POMK: variants seen among roughly 807,000 people sequenced by gnomAD.
The protein encoded by POMK is Sugen kinase 196.
POMK carries 19 observed loss-of-function variants against 23.0 expected under a neutral mutation model. The observed-to-expected ratio is 0.83, with a 90% CI of 0.58 to 1.21. The LOEUF (loss-of-function observed/expected upper bound fraction) is 1.21. Among genes scored for constraint, POMK ranks in the 50% most tolerant of loss-of-function variants. The pLI is 0.00. For missense variants in POMK, 410 were observed against 431.3 expected (o/e 0.95, Z 0.44); for synonymous variants, 173 against 171.6 (o/e 1.01, Z -0.06).
chr8:43,106,352 CTGT>C (rs1811543933), intron 4 of POMK, among the ~76,000 whole-genome samples: 1 of 151,856 alleles, frequency 6.6e-6, no homozygotes, highest in Non-Finnish European at 1.5e-5. Context: ...TTATTTTTTT[CTGT>C]TGAGATGTTT....
At chr8:43,107,733 T>G (rs1811572760) in intron 4 of POMK, among the ~76,000 whole-genome samples, 1 of 151,770 alleles carries the variant, frequency 6.6e-6, no homozygotes, top group South Asian at 2.1e-4. Flanking sequence ...CAGGCTGGAT[T>G]GCAGTGGTGT....
chr8:43,094,735 GT>G (rs35178646), intron 1 of POMK, among the ~76,000 whole-genome samples: 1 of 152,170 alleles, frequency 6.6e-6, no homozygotes, highest in African/African-American at 2.4e-5. Flanking sequence ...GTAAAAACTA[GT>G]TTTGTCCCTT....
intron 4 of POMK, among the ~76,000 whole-genome samples, chr8:43,114,472 T>C (rs1438723056): frequency 6.6e-6 from 1 of 152,092 alleles, no homozygotes; most frequent in East Asian, 1.9e-4. Flanking sequence ...AAAAGTGCAG[T>C]ATTAGGGTGG....
intron 4 of POMK, among the ~76,000 whole-genome samples, chr8:43,106,362 G>A (rs998785906): frequency 5.3e-5 from 8 of 152,064 alleles, no homozygotes; most frequent in African/African-American, 7.2e-5. Flanking sequence ...CTGTTGAGAT[G>A]TTTGAGTTCC....
intron 4 of POMK, among the ~76,000 whole-genome samples, chr8:43,115,036 A>G (rs1031347107): frequency 1.3e-5 from 2 of 152,136 alleles, no homozygotes; most frequent in African/African-American, 4.8e-5. Context: ...AGAAGAGTGG[A>G]TTTGATTCTT....
intron 4 of POMK, among the ~76,000 whole-genome samples, chr8:43,120,376 C>T (rs994687616): frequency 6.6e-6 from 1 of 151,822 alleles, no homozygotes; most frequent in African/African-American, 2.4e-5. Flanking sequence ...CCATGCCCGG[C>T]TAATTTTGTA....
chr8:43,121,672 C>A (rs1486310782), intron 4 of POMK, among the ~76,000 whole-genome samples: 4 of 152,210 alleles, frequency 2.6e-5, no homozygotes, highest in African/African-American at 9.6e-5. Flanking sequence ...TTCCTCCCCA[C>A]CCACTGTGTG....
chr8:43,096,089 A>G (rs1295118573), intron 1 of POMK, among the ~76,000 whole-genome samples: 1 of 152,132 alleles, frequency 6.6e-6, no homozygotes, highest in African/African-American at 2.4e-5. Context: ...TTTGCCGAGT[A>G]CCCGCTGTGT....
chr8:43,107,238 A>G (rs572224360), intron 4 of POMK, among the ~76,000 whole-genome samples: 3 of 152,350 alleles, frequency 2.0e-5, no homozygotes, highest in South Asian at 2.1e-4. Flanking sequence ...CAACATGTGT[A>G]CCATAGTTTT....
chr8:43,112,145 T>C (rs1316958014), intron 4 of POMK, among the ~76,000 whole-genome samples: 1 of 151,714 alleles, frequency 6.6e-6, no homozygotes, highest in African/African-American at 2.4e-5. Flanking sequence ...TTCGAACCAA[T>C]GGGAAAGAAG....
intron 4 of POMK, among the ~76,000 whole-genome samples, chr8:43,111,697 C>T (rs1406418929): frequency 2.6e-5 from 4 of 152,194 alleles, no homozygotes; most frequent in Non-Finnish European, 4.4e-5. Context: ...ACACCTCACA[C>T]GGCCAGGTAC....
intron 4 of POMK, among the ~76,000 whole-genome samples, chr8:43,117,718 TAGAA>T (rs2130620685): frequency 6.6e-6 from 1 of 152,282 alleles, no homozygotes; most frequent in African/African-American, 2.4e-5. Context: ...AAATACAAAT[TAGAA>T]GAGTAAGGTA....
At chr8:43,095,850 G>T (rs1563334751) in intron 1 of POMK, among the ~76,000 whole-genome samples, 1 of 152,230 alleles carries the variant, frequency 6.6e-6, no homozygotes, top group African/African-American at 2.4e-5. Flanking sequence ...AAGGATTGGT[G>T]GGAGGTTAGG....
intron 4 of POMK, among the ~76,000 whole-genome samples, chr8:43,111,547 C>G (rs1811666583): frequency 6.6e-6 from 1 of 152,208 alleles, no homozygotes; most frequent in Non-Finnish European, 1.5e-5. Flanking sequence ...CTTAAATGTC[C>G]CTGTGTGACA....
At chr8:43,099,392 C>T (rs561217580) in intron 2 of POMK, among the ~76,000 whole-genome samples, 2 of 152,326 alleles carry the variant, frequency 1.3e-5, no homozygotes, top group African/African-American at 4.8e-5. Flanking sequence ...AAGTTGTCAG[C>T]AGGCAGCGAT....
intron 4 of POMK, among the ~76,000 whole-genome samples, chr8:43,106,788 T>C (rs1267406772): frequency 6.6e-6 from 1 of 152,182 alleles, no homozygotes; most frequent in East Asian, 1.9e-4. Context: ...CATGAGCCAC[T>C]GGGCCCAGCC....
chr8:43,110,060 TA>T lies in POMK; in HGVS notation c.282+6231del, dbSNP rs1239613132. ...CCCTTTCACAACTTGTTCAAACCTT[TA>T]GACTTTTCCTATCTCATTTAAAACA... On this transcript the variant is annotated intron_variant, in intron 4 of 4. Transcript: ENST00000331373. Among the ~76,000 whole-genome samples the T allele has an allele frequency of 2.0e-5, 3 of 152,248 alleles. No homozygotes were observed. The East Asian group carries it at 5.8e-4, about 29-fold the overall frequency.
At chr8:43,094,974 C>G (rs559903246) in intron 1 of POMK, among the ~76,000 whole-genome samples, 15 of 152,288 alleles carry the variant, frequency 9.8e-5, no homozygotes, top group African/African-American at 3.4e-4. Context: ...TTCCTTTAGC[C>G]ACACAGCCTC....
intron 2 of POMK, among the ~76,000 whole-genome samples, chr8:43,100,444 A>G (rs1811415332): frequency 6.6e-6 from 1 of 151,772 alleles, no homozygotes; most frequent in Non-Finnish European, 1.5e-5. Flanking sequence ...TAGAGGCACC[A>G]GGGTGTGTGC....
Sources: allele counts gnomAD v4.1 joint callset (sites outside exome capture counted in the v4.1 genomes callset), GRCh38; gene constraint gnomAD v4.1.1; transcripts MANE v1.5; gene names NCBI Gene and HGNC (gene_info 2026-07-23, HGNC 2026-07-21).